Variants in COL19A1 observed in about 807,000 individuals in gnomAD.
The protein encoded by COL19A1 is collagen alpha-1(XIX) chain.
In COL19A1, 159 loss-of-function variants were observed where a neutral mutation model predicts 190.2. That is an observed-to-expected ratio of 0.84 (90% CI 0.73 to 0.95). The LOEUF is 0.95. Ranked by LOEUF, COL19A1 falls within the 40% of genes least tolerant of loss-of-function variation. The probability of loss-of-function intolerance (pLI) is 0.00; values close to 1 mark genes in which losing one functional copy is unlikely to be tolerated. For synonymous variants in COL19A1, 509 were observed against 458.9 expected, an observed-to-expected ratio of 1.11 and a Z score of -1.39; for missense variants, 1,418 against 1,431.9, an observed-to-expected ratio of 0.99 and a Z score of 0.16.
intron 14 of COL19A1, among the ~76,000 whole-genome samples, chr6:70,040,006 T>C (rs745385898): frequency 2.4e-4 from 37 of 152,004 alleles, no homozygotes; most frequent in Non-Finnish European, 3.1e-4. Context: ...GCTCAAGTGA[T>C]CCTCCTCCCT....
chr6:70,108,322 A>G (rs1368341396), intron 16 of COL19A1, among the ~76,000 whole-genome samples: 2 of 151,692 alleles, frequency 1.3e-5, no homozygotes, highest in African/African-American at 2.4e-5. Flanking sequence ...GTTTTTATGC[A>G]TTGTTTCATT....
At chr6:70,185,316 C>T (rs1240138806) in intron 46 of COL19A1, among the ~76,000 whole-genome samples, 4 of 152,134 alleles carry the variant, frequency 2.6e-5, no homozygotes, top group Admixed American at 6.5e-5. Flanking sequence ...AAATGCTTAG[C>T]AGCATCTCTG....
intron 44 of COL19A1, among the ~76,000 whole-genome samples, chr6:70,181,850 A>T (rs1184368666): frequency 1.3e-5 from 2 of 152,160 alleles, no homozygotes; most frequent in Non-Finnish European, 1.5e-5. Context: ...AATGGCTAGG[A>T]GAGAAGTGAG....
intron 9 of COL19A1, among the ~76,000 whole-genome samples, chr6:69,940,098 G>C (rs555352537): frequency 6.6e-6 from 1 of 151,582 alleles, no homozygotes; most frequent in East Asian, 1.9e-4. Flanking sequence ...TATGTCATAA[G>C]TACAGTCCTA....
chr6:70,154,875 C>T (rs906453464), intron 31 of COL19A1, among the ~76,000 whole-genome samples: 3 of 152,100 alleles, frequency 2.0e-5, no homozygotes, highest in African/African-American at 7.2e-5. Context: ...CAAGTCAACC[C>T]CTTCCACCTT....
intron 15 of COL19A1, among the ~76,000 whole-genome samples, chr6:70,074,882 T>G (rs1364696985): frequency 6.6e-6 from 1 of 152,326 alleles, no homozygotes; most frequent in African/African-American, 2.4e-5. Context: ...ACCAGGAATT[T>G]GTATTACTAG....
intron 9 of COL19A1, among the ~76,000 whole-genome samples, chr6:69,959,424 A>T (rs1463522025): frequency 6.6e-6 from 1 of 152,196 alleles, no homozygotes; most frequent in Non-Finnish European, 1.5e-5. Flanking sequence ...TTCCGATTTT[A>T]GGCAAGAAGT....
intron 11 of COL19A1, among the ~76,000 whole-genome samples, chr6:69,965,156 A>G (rs951175331): frequency 3.3e-5 from 5 of 152,180 alleles, no homozygotes; most frequent in Non-Finnish European, 7.3e-5. Context: ...GTATATAATC[A>G]TTTTTTAAAA....
chr6:70,001,485 T>C (rs1282444378), intron 11 of COL19A1, among the ~76,000 whole-genome samples: 1 of 152,242 alleles, frequency 6.6e-6, no homozygotes, highest in Non-Finnish European at 1.5e-5. Context: ...ACGATATTGA[T>C]TCTTCCTATC....
intron 4 of COL19A1, among the ~76,000 whole-genome samples, chr6:69,911,592 G>A (rs375135536): frequency 2.4e-4 from 36 of 152,176 alleles, no homozygotes; most frequent in Non-Finnish European, 4.6e-4. Context: ...AGACTGAGTT[G>A]ACCAGATGTT....
At chr6:69,965,609 C>T (rs558055807) in intron 11 of COL19A1, among the ~76,000 whole-genome samples, 138 of 152,322 alleles carry the variant, frequency 9.1e-4, no homozygotes, top group African/African-American at 3.2e-3. Flanking sequence ...GGCAGAGCCT[C>T]ATACATTCCT....
intron 9 of COL19A1, among the ~76,000 whole-genome samples, chr6:69,954,538 A>G (rs116302977): frequency 0.017 from 2,537 of 152,154 alleles, 97 homozygotes; most frequent in African/African-American, 0.058. Context: ...CAGAAGCATA[A>G]TTTAGGGAAA....
At position 69,879,543 on chromosome 6, in the gene COL19A1, G is replaced by C. The variant is rs1768364181; in HGVS notation, c.-25G>C. On this transcript the variant is annotated 5_prime_UTR_variant, in exon 2 of 51. Transcript: ENST00000620364. ...TTTTTTTTTCTGTTGCAGATCCGTG[G>C]CCGTTCACATGGTTTCAAGGCACAA... 1 of 1,604,276 alleles carries C rather than the reference G, an allele frequency of 6.2e-7. No individual in the cohort carries two copies. The highest frequency in any genetic ancestry group is 1.3e-5 in the African/African-American group (1 of 74,582).
chr6:69,878,169 C>T (rs1768260108), intron 1 of COL19A1, among the ~76,000 whole-genome samples: 3 of 151,628 alleles, frequency 2.0e-5, no homozygotes, highest in African/African-American at 7.3e-5. Context: ...TACCATCTGA[C>T]ACCCATTAGG....
chr6:69,884,237 A>G (rs1169223582), intron 2 of COL19A1, among the ~76,000 whole-genome samples: 1 of 151,998 alleles, frequency 6.6e-6, no homozygotes, highest in African/African-American at 2.4e-5. Context: ...TGGGAGGCTG[A>G]GGCAGGAGAA....
intron 9 of COL19A1, among the ~76,000 whole-genome samples, chr6:69,950,453 A>G (rs752269364): frequency 7.9e-5 from 12 of 151,774 alleles, no homozygotes; most frequent in Non-Finnish European, 1.6e-4. Context: ...TCCCCTTTAC[A>G]TTTATTCAGA....
chr6:70,205,925 G>A (rs1243327319), intron 49 of COL19A1, among the ~76,000 whole-genome samples: 1 of 152,170 alleles, frequency 6.6e-6, no homozygotes, highest in Non-Finnish European at 1.5e-5. Context: ...TTGTTTCCTA[G>A]CTTTGCTGAA....
intron 9 of COL19A1, among the ~76,000 whole-genome samples, chr6:69,944,516 A>C (rs1168302456): frequency 6.6e-6 from 1 of 152,134 alleles, no homozygotes; most frequent in Non-Finnish European, 1.5e-5. Context: ...AAATAATATT[A>C]TATTGTTAAC....
chr6:70,120,195 T>A (rs746090444), intron 16 of COL19A1, among the ~76,000 whole-genome samples: 13 of 152,334 alleles, frequency 8.5e-5, no homozygotes, highest in Middle Eastern at 6.8e-3. Flanking sequence ...AGAGTTCTAA[T>A]AATTAAGACC....
Sources: allele counts gnomAD v4.1 joint callset (sites outside exome capture counted in the v4.1 genomes callset), GRCh38; gene constraint gnomAD v4.1.1; transcripts MANE v1.5; gene names NCBI Gene and HGNC (gene_info 2026-07-23, HGNC 2026-07-21).